The following NINJ2 variants were observed in gnomAD, a reference collection of about 807,000 sequenced individuals.
NINJ2 encodes the protein ninjurin 2.
A neutral mutation model predicts 11.7 loss-of-function variants in NINJ2; 12 were observed. The observed-to-expected ratio is 1.02, with a 90% CI of 0.66 to 1.66. The LOEUF (loss-of-function observed/expected upper bound fraction) is 1.66, where lower values mean the gene tolerates loss of function less well. Ranked by LOEUF, NINJ2 falls within the 40% of genes most tolerant of loss-of-function variation. The pLI is 0.00. For missense variants in NINJ2, 187 were observed against 181.8 expected (o/e 1.03, Z -0.16); for synonymous variants, 93 against 76.8 (o/e 1.21, Z -1.10).
chr12:663,294 G>A (rs776892635), intron 1 of NINJ2, 34 bp downstream of exon 1: 11 of 1,598,956 alleles, frequency 6.9e-6, no homozygotes, highest in Non-Finnish European at 8.6e-6. Flanking sequence ...TCTACTCCCG[G>A]TCTCCCCTCT....
At chr12:652,641 T>A (rs1937810562) in intron 1 of NINJ2, among the ~76,000 whole-genome samples, 1 of 152,072 alleles carries the variant, frequency 6.6e-6, no homozygotes, top group South Asian at 2.1e-4. Context: ...TTATTCTTTT[T>A]TAAAATTAAC....
At chr12:631,621 A>C (rs2120433161) in intron 1 of NINJ2, among the ~76,000 whole-genome samples, 1 of 152,218 alleles carries the variant, frequency 6.6e-6, no homozygotes, top group Admixed American at 6.5e-5. Context: ...CTCGGCCTCC[A>C]AAGTGCTGGG....
chr12:607,603 G>T (rs909923814), intron 1 of NINJ2, among the ~76,000 whole-genome samples: 1 of 152,202 alleles, frequency 6.6e-6, no homozygotes, highest in African/African-American at 2.4e-5. Context: ...CTCAGGTGTG[G>T]CCATTGGCTG....
At chr12:632,479 AG>A (rs1351863452) in intron 1 of NINJ2, 2 of 152,222 alleles carry the variant, frequency 1.3e-5, no homozygotes, top group African/African-American at 4.8e-5. Context: ...GAATGTTCAC[AG>A]GGTGTCTGTG....
intron 1 of NINJ2, among the ~76,000 whole-genome samples, chr12:641,747 A>G (rs1481853426): frequency 6.7e-6 from 1 of 149,958 alleles, no homozygotes; most frequent in Admixed American, 6.7e-5. Flanking sequence ...CGGGAGGCTG[A>G]GGGAGGAGAA....
chr12:631,564 A>G (rs1490238428), intron 1 of NINJ2, among the ~76,000 whole-genome samples: 2 of 152,062 alleles, frequency 1.3e-5, no homozygotes. Flanking sequence ...GGGTTTCACC[A>G]TGTTGGCCAG....
intron 1 of NINJ2, 124 bp downstream of exon 1, chr12:663,203 GA>G: frequency 1.2e-6 from 1 of 813,642 alleles, no homozygotes; most frequent in South Asian, 1.7e-5. Flanking sequence ...AGCATTTGGA[GA>G]AGGGAGTGAG....
chr12:643,668 CGGTCG>C, intron 1 of NINJ2: 1 of 988,018 alleles, frequency 1.0e-6, no homozygotes, highest in Non-Finnish European at 1.2e-6. Context: ...TTCTTAGCGG[CGGTCG>C]TTTGAGCCAC....
chr12:629,414 A>G (rs530385952), intron 1 of NINJ2, among the ~76,000 whole-genome samples: 46 of 152,248 alleles, frequency 3.0e-4, no homozygotes, highest in African/African-American at 1.1e-3. Flanking sequence ...CACAGGTCCA[A>G]TGGCGGGGAG....
At chr12:603,922 A>G (rs2120916735) in intron 1 of NINJ2, among the ~76,000 whole-genome samples, 1 of 152,246 alleles carries the variant, frequency 6.6e-6, no homozygotes. Flanking sequence ...CAGCCTCCCA[A>G]AGTGCTGGGA....
intron 1 of NINJ2, among the ~76,000 whole-genome samples, chr12:641,434 G>A (rs1948415085): frequency 6.6e-6 from 1 of 152,186 alleles, no homozygotes; most frequent in Admixed American, 6.5e-5. Flanking sequence ...CAGGGTGAAA[G>A]GCGTGGGGAG....
At chr12:623,474 T>C (rs2120391880) in intron 1 of NINJ2, among the ~76,000 whole-genome samples, 1 of 152,276 alleles carries the variant, frequency 6.6e-6, no homozygotes, top group Non-Finnish European at 1.5e-5. Context: ...TCAGGGAAGG[T>C]TTCTTCCCAC....
At chr12:566,274 A>G (rs1323121404) in intron 1 of NINJ2, 96 bp from the exon 2 acceptor site, 4 of 1,018,490 alleles carry the variant, frequency 3.9e-6, no homozygotes, top group Non-Finnish European at 2.9e-6. Context: ...GCTCTTTCCA[A>G]TCCAGATGGG....
chr12:660,726 C>T (rs1027535358), intron 1 of NINJ2, among the ~76,000 whole-genome samples: 2 of 151,988 alleles, frequency 1.3e-5, no homozygotes, highest in African/African-American at 2.4e-5. Flanking sequence ...TTTGGGAGGC[C>T]GAGGCTTGTG....
At chr12:654,521 CAAA>C (rs72488352) in intron 1 of NINJ2, among the ~76,000 whole-genome samples, 14 of 98,574 alleles carry the variant, frequency 1.4e-4, no homozygotes, top group African/African-American at 1.3e-4. Flanking sequence ...AACTCCGTCT[CAAA>C]AAAAAAAAAA....
chr12:596,870 C>G (rs1475146881), intron 1 of NINJ2, among the ~76,000 whole-genome samples: 1 of 151,032 alleles, frequency 6.6e-6, no homozygotes, highest in Non-Finnish European at 1.5e-5. Context: ...TGCAGTGAGC[C>G]ATTATTGCAC....
intron 1 of NINJ2, among the ~76,000 whole-genome samples, chr12:594,622 A>C (rs76640348): frequency 0.027 from 4,074 of 152,178 alleles, 186 homozygotes; most frequent in African/African-American, 0.092. Flanking sequence ...ATCCCATCTC[A>C]ATTTTTTTTA....
intron 1 of NINJ2, among the ~76,000 whole-genome samples, chr12:650,998 G>C (rs76678455): frequency 0.036 from 5,545 of 152,272 alleles, 320 homozygotes; most frequent in African/African-American, 0.12. Flanking sequence ...TCGGGAGTTA[G>C]TGCCAGCTAG....
intron 1 of NINJ2, chr12:644,776 A>C (rs1937649898): frequency 6.6e-6 from 1 of 152,264 alleles, no homozygotes; most frequent in African/African-American, 2.4e-5. Context: ...AAAATTTTAC[A>C]TGATAGAATT....
Sources: allele counts gnomAD v4.1 joint callset (sites outside exome capture counted in the v4.1 genomes callset), GRCh38; gene constraint gnomAD v4.1.1; transcripts MANE v1.5; gene names NCBI Gene and HGNC (gene_info 2026-07-23, HGNC 2026-07-21).